The following PCED1B variants were observed in gnomAD, a reference collection of about 807,000 sequenced individuals.
The protein encoded by PCED1B is PC-esterase domain containing 1B.
For synonymous variants in PCED1B, 251 were observed against 246.1 expected (o/e 1.02, Z -0.19); for missense variants, 573 against 573.9 (o/e 1.00, Z 0.02).
chr12:47,142,203 G>A (rs2137412506), intron 2 of PCED1B, among the ~76,000 whole-genome samples: 1 of 152,224 alleles, frequency 6.6e-6, no homozygotes, highest in Non-Finnish European at 1.5e-5. Flanking sequence ...TTGAGCCTCT[G>A]GTAACAGGCC....
chr12:47,227,751 A>T (rs2524344), intron 3 of PCED1B, among the ~76,000 whole-genome samples: 6 of 151,586 alleles, frequency 4.0e-5, no homozygotes, highest in Non-Finnish European at 8.8e-5. Context: ...GTATCTGGAG[A>T]CCAAGGCACG....
chr12:47,105,192 T>C (rs548716987), intron 2 of PCED1B, among the ~76,000 whole-genome samples: 26 of 152,026 alleles, frequency 1.7e-4, no homozygotes, highest in African/African-American at 6.3e-4. Context: ...AGTGGGAGTC[T>C]CCGCTGAGTT....
intron 2 of PCED1B, among the ~76,000 whole-genome samples, chr12:47,147,050 G>T (rs1424074429): frequency 6.9e-6 from 1 of 144,404 alleles, no homozygotes; most frequent in Non-Finnish European, 1.5e-5. Context: ...GCCCAGGCAG[G>T]AGTGCAGTGG....
chr12:47,232,793 A>T (rs1027195344), intron 3 of PCED1B, among the ~76,000 whole-genome samples: 2 of 152,210 alleles, frequency 1.3e-5, no homozygotes, highest in Non-Finnish European at 2.9e-5. Flanking sequence ...TTTTAGCATC[A>T]GTACTTGGGG....
chr12:47,228,920 T>C (rs1314399828), intron 3 of PCED1B, among the ~76,000 whole-genome samples: 2 of 151,076 alleles, frequency 1.3e-5, no homozygotes. Flanking sequence ...GTAAAGCACC[T>C]GGGATCTAGT....
intron 2 of PCED1B, among the ~76,000 whole-genome samples, chr12:47,148,714 C>G (rs374036547): frequency 6.6e-6 from 1 of 152,132 alleles, no homozygotes; most frequent in Non-Finnish European, 1.5e-5. Context: ...CAAAGGAAAG[C>G]CTTCTACTCT....
intron 2 of PCED1B, among the ~76,000 whole-genome samples, chr12:47,107,199 A>G (rs1387106117): frequency 6.6e-6 from 1 of 152,170 alleles, no homozygotes; most frequent in African/African-American, 2.4e-5. Context: ...AGATTCTCCT[A>G]AAGTTTGATT....
intron 2 of PCED1B, among the ~76,000 whole-genome samples, chr12:47,198,289 A>C (rs1942666314): frequency 6.6e-6 from 1 of 152,246 alleles, no homozygotes; most frequent in Non-Finnish European, 1.5e-5. Context: ...CTAAAGAAGA[A>C]AAATGTATAT....
chr12:47,080,557 G>A (rs539240309), intron 1 of PCED1B, among the ~76,000 whole-genome samples: 27 of 152,262 alleles, frequency 1.8e-4, no homozygotes, highest in African/African-American at 6.3e-4. Context: ...CTGGGAGGAA[G>A]TAACCGGGAA....
At chr12:47,198,901 G>A (rs1460254936) in intron 2 of PCED1B, among the ~76,000 whole-genome samples, 4 of 151,760 alleles carry the variant, frequency 2.6e-5, no homozygotes, top group African/African-American at 4.8e-5. Flanking sequence ...AGGAGGCAGA[G>A]GTTGCAGTGA....
chr12:47,097,481 G>A (rs908103193), intron 1 of PCED1B, among the ~76,000 whole-genome samples: 1 of 152,166 alleles, frequency 6.6e-6, no homozygotes, highest in Non-Finnish European at 1.5e-5. Context: ...GTTTATTTTA[G>A]TCCTTCTGCT....
At chr12:47,194,924 G>C (rs1243373314) in intron 2 of PCED1B, among the ~76,000 whole-genome samples, 2 of 152,146 alleles carry the variant, frequency 1.3e-5, no homozygotes, top group Non-Finnish European at 2.9e-5. Context: ...TTTGAGTATT[G>C]TGAATTATTT....
intron 3 of PCED1B, among the ~76,000 whole-genome samples, chr12:47,223,328 A>G (rs1454578209): frequency 1.3e-5 from 2 of 152,180 alleles, no homozygotes; most frequent in Non-Finnish European, 2.9e-5. Flanking sequence ...ATCATCGGTG[A>G]TTTACTAACA....
At chr12:47,129,514 T>G (rs997284523) in intron 2 of PCED1B, among the ~76,000 whole-genome samples, 1 of 151,832 alleles carries the variant, frequency 6.6e-6, no homozygotes, top group African/African-American at 2.4e-5. Flanking sequence ...AATAAAATTT[T>G]AAAAATATTC....
intron 2 of PCED1B, among the ~76,000 whole-genome samples, chr12:47,180,853 T>G (rs1005935395): frequency 1.5e-4 from 23 of 152,222 alleles, no homozygotes; most frequent in African/African-American, 5.5e-4. Context: ...AGTTGATTTT[T>G]TATTAACCAC....
Position 47,088,486 on chromosome 12 carries a change from G to A in PCED1B, c.-609+8761G>A, listed in dbSNP as rs140664560. ...GGACTCGAAGGTGGCATGTTGTGGG[G>A]AGCAACCTCAGTGACCTTTAGTAGA... On this transcript the variant is annotated intron_variant, in intron 1 of 3. Coordinates refer to ENST00000546455, the MANE Select transcript of PCED1B (RefSeq NM_138371.3). Among the ~76,000 whole-genome samples the A allele has an allele frequency of 2.6e-5, 4 of 152,296 alleles. No individual in the cohort carries two copies. The East Asian group carries it at 7.7e-4, about 29-fold the overall frequency.
In PCED1B at chr12:47,235,306, G is replaced by T. The variant is rs757338870; in HGVS notation, c.243G>T (p.Glu81Asp). Reference protein sequence around the residue: ...HNGLNYREVREFRSDHHLVRF... With the variant: ...HNGLNYREVRDFRSDHHLVRF... The stretch of plus-strand genomic sequence containing the variant: ...GCCTTAACTACCGTGAGGTCCGCGA[G>T]TTCCGCTCCGACCACCATCTGGTAC... Residue 81 changes from glutamate to aspartate, a missense_variant, in exon 4 of 4, where the codon GAG becomes GAT. By Grantham distance (45) the Glu-to-Asp change is conservative. Transcript: ENST00000546455. The T allele has an allele frequency of 6.2e-7, 1 of 1,614,038 alleles. No individual in the cohort carries two copies. Among genetic ancestry groups the T allele is most frequent in the Non-Finnish European group, 8.5e-7 (1 of 1,180,040 alleles).
At chr12:47,153,800 G>A (rs536033216) in intron 2 of PCED1B, among the ~76,000 whole-genome samples, 2 of 152,202 alleles carry the variant, frequency 1.3e-5, no homozygotes, top group East Asian at 3.9e-4. Flanking sequence ...GAACAATTCT[G>A]TTTCCCTTGT....
At chr12:47,229,810 C>T (rs1434394644) in intron 3 of PCED1B, among the ~76,000 whole-genome samples, 1 of 151,820 alleles carries the variant, frequency 6.6e-6, no homozygotes, top group Admixed American at 6.6e-5. Flanking sequence ...CTCTCTGTCA[C>T]CCAGGCTGGA....
Sources: allele counts gnomAD v4.1 joint callset (sites outside exome capture counted in the v4.1 genomes callset), GRCh38; gene constraint gnomAD v4.1.1; transcripts MANE v1.5; gene names NCBI Gene and HGNC (gene_info 2026-07-23, HGNC 2026-07-21).